The following ITGB6 variants were observed in gnomAD, a reference collection of about 807,000 sequenced individuals.
ITGB6 encodes integrin beta-6.
A neutral mutation model predicts 84.5 loss-of-function variants in ITGB6; 80 were observed. The ratio of observed to expected loss-of-function variants is 0.95; its 90% CI spans 0.79 to 1.14. ITGB6 has a LOEUF of 1.14. Among genes scored for constraint, ITGB6 ranks in the 50% most tolerant of loss-of-function variants. The probability of loss-of-function intolerance (pLI) is 0.00; values close to 1 mark genes in which losing one functional copy is unlikely to be tolerated. For missense variants in ITGB6, 1,006 were observed against 968.0 expected (o/e 1.04, Z -0.52); for synonymous variants, 383 against 354.9 (o/e 1.08, Z -0.89).
intron 12 of ITGB6, among the ~76,000 whole-genome samples, chr2:160,115,199 T>A (rs1459768129): frequency 6.6e-6 from 1 of 152,204 alleles, no homozygotes; most frequent in Non-Finnish European, 1.5e-5. Flanking sequence ...GACTGCCTCC[T>A]CAAGTGGGTC....
At chr2:160,129,392 C>CA (rs374921878) in intron 10 of ITGB6, among the ~76,000 whole-genome samples, 50,477 of 126,618 alleles carry the variant, frequency 0.4, 10,075 homozygotes, top group Middle Eastern at 0.47. Context: ...TACTTTTCTT[C>CA]AAAAAAAAAA....
At chr2:160,135,479 C>G (rs1369291318) in intron 10 of ITGB6, among the ~76,000 whole-genome samples, 1 of 151,430 alleles carries the variant, frequency 6.6e-6, no homozygotes. Context: ...CCATACTGCC[C>G]AAGGTAATTT....
chr2:160,199,919 T>G (rs1686491097), intron 1 of ITGB6, 84 bp downstream of exon 1: 3 of 1,033,238 alleles, frequency 2.9e-6, no homozygotes, highest in Non-Finnish European at 4.5e-6. Flanking sequence ...AAATAAAACA[T>G]GACTTCAGAT....
intron 4 of ITGB6, among the ~76,000 whole-genome samples, chr2:160,183,652 T>C (rs139786711): frequency 0.01 from 1,540 of 152,228 alleles, 23 homozygotes; most frequent in African/African-American, 0.035. Flanking sequence ...AATAGACATC[T>C]ACAGAACTCT....
chr2:160,115,967 G>C lies in ITGB6; in HGVS notation c.1982-3768C>G, dbSNP rs565085574. ...TGAGAAGGGAAGTTTAGAGAAAAAAGAATAAAAAGAAATGAACAAAGCCTC... is the reference window on the plus strand; with the variant it reads ...TGAGAAGGGAAGTTTAGAGAAAAAACAATAAAAAGAAATGAACAAAGCCTC... On this transcript the variant is annotated intron_variant, in intron 12 of 14. Coordinates refer to ENST00000283249, the MANE Select transcript of ITGB6 (RefSeq NM_000888.5). Among the ~76,000 whole-genome samples the C allele has an allele frequency of 5.6e-3, 834 of 148,560 alleles. 3 individuals are homozygous for C. Among genetic ancestry groups the C allele is most frequent in the Non-Finnish European group, 8.9e-3 (598 of 67,190 alleles).
rs751132914 is a variant in ITGB6, at chr2:160,172,669, G to C, written c.821C>G (p.Ser274Cys). 1 of 1,611,446 alleles carries C rather than the reference G, an allele frequency of 6.2e-7. No homozygotes were observed. Among genetic ancestry groups the C allele is most frequent in the Non-Finnish European group, 8.5e-7 (1 of 1,177,738 alleles). Residue 274 changes from serine to cysteine, a missense_variant, in exon 6 of 15, where the codon TCT becomes TGT. Ser to Cys is a moderately radical substitution (Grantham distance 112). Transcript: ENST00000283249. ...HLLVFVSDADSHFGMDSKLAG... is the reference protein window; with the variant it reads ...HLLVFVSDADCHFGMDSKLAG... ...TAGTTTGCTGTCCATTCCAAAATGA[G>C]AATCAGCATCACTCACAAAGACCAG...
chr2:160,101,625 C>T lies in ITGB6; in HGVS notation c.*111G>A. The T allele has an allele frequency of 1.4e-6, 1 of 696,278 alleles. No homozygotes were observed. The highest frequency in any genetic ancestry group is 3.6e-4 in the Middle Eastern group (1 of 2,742). The allele number at this position is 696,278 out of a possible 1,614,324, so 43.1% of individuals were successfully genotyped here. On this transcript the variant is annotated 3_prime_UTR_variant, in exon 15 of 15. Transcript: ENST00000283249. ...AGAGGATGACTTATCTGCAGATGTCCTATTATTATCTTAAACCAACCTCAT... is the reference window on the plus strand; with the variant it reads ...AGAGGATGACTTATCTGCAGATGTCTTATTATTATCTTAAACCAACCTCAT...
chr2:160,183,229 T>C (rs986833362), intron 4 of ITGB6, among the ~76,000 whole-genome samples: 2 of 152,150 alleles, frequency 1.3e-5, no homozygotes, highest in African/African-American at 4.8e-5. Context: ...CCCATTGGTG[T>C]GTATTCAGGA....
chr2:160,181,494 G>A (rs904726783), intron 4 of ITGB6, among the ~76,000 whole-genome samples: 1 of 152,196 alleles, frequency 6.6e-6, no homozygotes, highest in African/African-American at 2.4e-5. Flanking sequence ...CCAGTCAGGG[G>A]CTTTTAGATG....
intron 4 of ITGB6, among the ~76,000 whole-genome samples, chr2:160,179,842 A>G (rs1273647577): frequency 2.6e-5 from 4 of 151,204 alleles, no homozygotes; most frequent in African/African-American, 9.7e-5. Context: ...TCACGCCTGT[A>G]ATCCCAGCAC....
chr2:160,163,235 A>C (rs1384713626), intron 7 of ITGB6, among the ~76,000 whole-genome samples: 1 of 152,174 alleles, frequency 6.6e-6, no homozygotes, highest in Non-Finnish European at 1.5e-5. Context: ...ACCCTAGATG[A>C]AGTATTTCCT....
chr2:160,124,450 T>C (rs908560429), intron 11 of ITGB6, among the ~76,000 whole-genome samples: 1 of 152,216 alleles, frequency 6.6e-6, no homozygotes, highest in Admixed American at 6.5e-5. Context: ...GATTAGAGCA[T>C]GGATCCTCAT....
At chr2:160,157,679 G>A (rs1684673987) in intron 7 of ITGB6, among the ~76,000 whole-genome samples, 1 of 147,092 alleles carries the variant, frequency 6.8e-6, no homozygotes, top group Non-Finnish European at 1.5e-5. Flanking sequence ...AAGCGTTGTG[G>A]CTGTAATGAC....
At position 160,114,661 on chromosome 2, in the gene ITGB6, C is replaced by G. The variant is rs551122950; in HGVS notation, c.1982-2462G>C. Among the ~76,000 whole-genome samples, 43 of 152,270 alleles carry G rather than the reference C, an allele frequency of 2.8e-4. 1 individual carries two copies. The South Asian group carries it at 5.4e-3, about 19-fold the overall frequency. On this transcript the variant is annotated intron_variant, in intron 12 of 14. Transcript: ENST00000283249. ...GGAGTGCCAGACAGTGGGTGCAGGT[C>G]AGTGGGTGCGCGCACCGTGCGCGAG...
chr2:160,199,165 G>T lies in ITGB6; in HGVS notation c.141+14C>A, dbSNP rs372097399. The T allele has an allele frequency of 3.1e-6, 5 of 1,604,784 alleles. No individual in the cohort carries two copies. The East Asian group carries it at 8.9e-5, about 29-fold the overall frequency. Reference sequence around the variant, plus strand: ...AGACAGGTTTTAAAAACACATTGAGGTCATTTATTTTACCTCCTGAGCACA... The same window carrying T: ...AGACAGGTTTTAAAAACACATTGAGTTCATTTATTTTACCTCCTGAGCACA... On this transcript the variant is annotated intron_variant, in intron 2 of 14. Transcript: ENST00000283249.
At chr2:160,163,619 G>A (rs1684898473) in intron 7 of ITGB6, among the ~76,000 whole-genome samples, 2 of 137,194 alleles carry the variant, frequency 1.5e-5, no homozygotes, top group South Asian at 2.6e-4. Flanking sequence ...GCAACAGAGG[G>A]AGACTTTGTC....
intron 10 of ITGB6, among the ~76,000 whole-genome samples, chr2:160,136,294 G>GA (rs1439509640): frequency 1.3e-5 from 2 of 152,146 alleles, no homozygotes; most frequent in Non-Finnish European, 2.9e-5. Flanking sequence ...AAAGACACAT[G>GA]AAAAAATGCT....
At chr2:160,158,124 G>T (rs1684694977) in intron 7 of ITGB6, among the ~76,000 whole-genome samples, 1 of 152,166 alleles carries the variant, frequency 6.6e-6, no homozygotes, top group Admixed American at 6.5e-5. Flanking sequence ...CATGATATCT[G>T]CTTTGCCTTC....
intron 4 of ITGB6, among the ~76,000 whole-genome samples, chr2:160,190,431 A>G (rs1421315951): frequency 6.6e-6 from 1 of 152,208 alleles, no homozygotes; most frequent in Non-Finnish European, 1.5e-5. Context: ...TGAGAGATGA[A>G]ATGATTCACC....
Sources: allele counts gnomAD v4.1 joint callset (sites outside exome capture counted in the v4.1 genomes callset), GRCh38; gene constraint gnomAD v4.1.1; transcripts MANE v1.5; gene names NCBI Gene and HGNC (gene_info 2026-07-23, HGNC 2026-07-21).